Variants in MYOG observed in about 807,000 individuals in gnomAD.
MYOG encodes myogenin.
A neutral mutation model predicts 17.7 loss-of-function variants in MYOG; 6 were observed. The ratio of observed to expected loss-of-function variants is 0.34; its 90% confidence interval spans 0.19 to 0.67. The LOEUF (loss-of-function observed/expected upper bound fraction) is 0.67, where lower values mean the gene tolerates loss of function less well. Ranked by LOEUF, MYOG falls within the 30% of genes least tolerant of loss-of-function variation. The pLI is 0.69. For missense variants in MYOG, 272 were observed against 302.0 expected, an observed-to-expected ratio of 0.90 and a Z score of 0.74; for synonymous variants, 125 against 130.2, an observed-to-expected ratio of 0.96 and a Z score of 0.27.
At position 203,085,899 on chromosome 1, in the gene MYOG, G is replaced by A; in HGVS notation, c.63C>T (p.Asn21=). Residue 21 remains asparagine, a synonymous_variant, in exon 1 of 3, where the codon AAC becomes AAT. Transcript: ENST00000241651. ...AGCCCTGGAGGTGGACAGGCAGGTA[G>A]TTTTCCCCATCATAGAAGCGGGGTT... ...YQEPRFYDGE[N]YLPVHLQGFE... 6.2e-7 allele frequency: 1 copy of A among 1,611,770 alleles called. No homozygotes were observed. The highest frequency in any genetic ancestry group is 1.1e-5 in the South Asian group (1 of 90,802).
At position 203,085,501 on chromosome 1, in the gene MYOG, G is replaced by A. The variant is rs889680630; in HGVS notation, c.461C>T (p.Pro154Leu). 9.3e-6 allele frequency: 15 copies of A among 1,611,910 alleles called. No individual in the cohort carries two copies. The highest frequency in any genetic ancestry group is 1.3e-5 in the African/African-American group (1 of 74,890). Residue 154 changes from proline to leucine, a missense_variant, in exon 1 of 3, where the codon CCC becomes CTC. Physicochemically the swap from Pro to Leu is moderately conservative, Grantham distance 98. Coordinates refer to ENST00000241651, the MANE Select transcript of MYOG (RefSeq NM_002479.6). ...GGGATGGCCACTTACCCCTGGCTGG[G>A]GCCCGCCCCCGCCCCGGTAGCGGAG... Reference protein sequence around the residue: ...RDLRYRGGGGPQPGVPSECSS... With the variant: ...RDLRYRGGGGLQPGVPSECSS...
chr1:203,085,899 G>T lies in MYOG; in HGVS notation c.63C>A (p.Asn21Lys), dbSNP rs1342072659. 6.2e-7 allele frequency: 1 copy of T among 1,611,770 alleles called. No individual in the cohort carries two copies. The highest frequency in any genetic ancestry group is 2.2e-5 in the East Asian group (1 of 44,852). Reference sequence around the variant, plus strand: ...AGCCCTGGAGGTGGACAGGCAGGTAGTTTTCCCCATCATAGAAGCGGGGTT... The same window carrying T: ...AGCCCTGGAGGTGGACAGGCAGGTATTTTTCCCCATCATAGAAGCGGGGTT... ...YQEPRFYDGE[N>K]YLPVHLQGFE... The change falls in exon 1 of 3, where the codon AAC becomes AAA. Residue 21 changes from asparagine (N) to lysine (K), a missense_variant. Coordinates refer to ENST00000241651, the MANE Select transcript of MYOG (RefSeq NM_002479.6).
rs1306511754 is a variant in MYOG, at chr1:203,085,448, TG to T, written c.471+42del. The T allele has an allele frequency of 3.2e-6, 5 of 1,541,066 alleles. No homozygotes were observed. In the Admixed American group the frequency reaches 7.4e-5, roughly 23 times the overall value. ...TTGAGGCTGTCCAGGTGCCTCCCTC[TG>T]GCCCCGTCCCCTTGGGGCAGGGGGA... On this transcript the variant is annotated intron_variant, in intron 1 of 2. Transcript: ENST00000241651.
intron 2 of MYOG, 147 bp downstream of exon 2, chr1:203,084,500 G>C (rs1160873881): frequency 1.4e-6 from 1 of 703,014 alleles, no homozygotes; most frequent in Admixed American, 2.6e-5. Flanking sequence ...GAACCTCCCA[G>C]CCCACCCTTT....
intron 1 of MYOG, 150 bp from the exon 2 acceptor site, chr1:203,084,878 G>T (rs1653581995): frequency 6.8e-6 from 5 of 736,280 alleles, no homozygotes; most frequent in Non-Finnish European, 9.1e-6. Flanking sequence ...CCCAACCCCA[G>T]AATCTTTGTA....
Position 203,085,788 on chromosome 1 carries a change from G to T in MYOG, c.174C>A (p.Pro58=). ...GCAGGCACTGGCCTGGACAGTGCTC[G>T]GGGGTCCCCAGCCCCTTGTCCTCAA... ...GPLEDKGLGT[P]EHCPGQCLPW... The change falls in exon 1 of 3, where the codon CCC becomes CCA. Residue 58 remains proline (P), a synonymous_variant. Coordinates refer to ENST00000241651, the MANE Select transcript of MYOG (RefSeq NM_002479.6). 1.2e-6 allele frequency: 2 copies of T among 1,613,892 alleles called. No individual in the cohort carries two copies. Among genetic ancestry groups the T allele is most frequent in the Non-Finnish European group, 1.7e-6 (2 of 1,179,902 alleles).
At position 203,083,781 on chromosome 1, in the gene MYOG, G is replaced by A. The variant is rs995045588; in HGVS notation, c.*129C>T. 4 of 1,392,030 alleles carry A rather than the reference G, an allele frequency of 2.9e-6. No individual in the cohort carries two copies. In the African/African-American group the frequency reaches 5.7e-5, roughly 20 times the overall value. 86.2% of individuals were successfully genotyped at this position (1,392,030 alleles called of 1,614,324 possible). A position where few individuals can be genotyped will look rare whatever the true frequency, so the allele number is the denominator to read the frequency against. ...CATGGATGAGGAAGGGGATAGTCTG[G>A]CCTATGGCACCCCAGAGCTGGCTTC... On this transcript the variant is annotated 3_prime_UTR_variant, in exon 3 of 3. Transcript: ENST00000241651.
In MYOG at chr1:203,085,637, G is replaced by T. The variant is rs756145903; in HGVS notation, c.325C>A (p.Leu109Met). ...EAFEALKRST[L>M]LNPNQRLPKV... is the part of the protein sequence containing the mutation. Reference sequence around the variant, plus strand: ...GGCAGCCGCTGGTTGGGGTTGAGCAGGGTGCTTCTCTTCAGGGCCTCGAAG... The same window carrying T: ...GGCAGCCGCTGGTTGGGGTTGAGCATGGTGCTTCTCTTCAGGGCCTCGAAG... Residue 109 changes from leucine (L) to methionine (M), a missense_variant, in exon 1 of 3, where the codon CTG (leucine) becomes ATG (methionine). Leu to Met is a conservative substitution (Grantham distance 15). Transcript: ENST00000241651. 3.1e-6 allele frequency: 5 copies of T among 1,614,112 alleles called. No individual in the cohort carries two copies. Among genetic ancestry groups the T allele is most frequent in the Non-Finnish European group, 4.2e-6 (5 of 1,180,030 alleles).
At chr1:203,084,169 G>T in intron 2 of MYOG, 138 bp from the exon 3 acceptor site, 1 of 1,060,984 alleles carries the variant, frequency 9.4e-7, no homozygotes, top group Non-Finnish European at 1.4e-6. Flanking sequence ...CTACTCCCTA[G>T]TCCCTGCCTT....
At position 203,085,637 on chromosome 1, in the gene MYOG, G is replaced by A. The variant is rs756145903; in HGVS notation, c.325C>T (p.Leu109=). 1 of 1,614,230 alleles carries A rather than the reference G, an allele frequency of 6.2e-7. No individual in the cohort carries two copies. Among genetic ancestry groups the A allele is most frequent in the African/African-American group, 1.3e-5 (1 of 75,070 alleles). Residue 109 remains leucine (L), a synonymous_variant, in exon 1 of 3, where the codon CTG becomes TTG. Transcript: ENST00000241651. The part of the protein sequence containing the change: ...EAFEALKRST[L]LNPNQRLPKV... Reference sequence around the variant, plus strand: ...GGCAGCCGCTGGTTGGGGTTGAGCAGGGTGCTTCTCTTCAGGGCCTCGAAG... The same window carrying A: ...GGCAGCCGCTGGTTGGGGTTGAGCAAGGTGCTTCTCTTCAGGGCCTCGAAG...
chr1:203,083,432 G>A lies in MYOG; in HGVS notation c.*478C>T. 2.7e-6 allele frequency: 1 copy of A among 372,534 alleles called. No homozygotes were observed. Among genetic ancestry groups the A allele is most frequent in the Non-Finnish European group, 4.8e-6 (1 of 208,596 alleles). 23.1% of individuals were successfully genotyped at this position (372,534 alleles called of 1,614,324 possible). ...GGCCCCCCAGGGACTTGGGAACAGA[G>A]GGCTGTTCCTCTCCCCTTCTTCTCT... On this transcript the variant is annotated 3_prime_UTR_variant, in exon 3 of 3. Transcript: ENST00000241651.
Position 203,084,654 on chromosome 1 carries a change from G to T in MYOG, c.546C>A (p.Asn182Lys), listed in dbSNP as rs930904192. The T allele has an allele frequency of 8.1e-6, 13 of 1,610,196 alleles. No homozygotes were observed. Among genetic ancestry groups the T allele is most frequent in the Admixed American group, 1.7e-5 (1 of 59,660 alleles). ...CAGTCAGGCCTTACTTACCCCCTGG[G>T]TTGGCGCTGAACTCCAGTGCACTGC... ...EWGSALEFSA[N>K]PGDHLLTADP... The change falls in exon 2 of 3, where the codon AAC (asparagine) becomes AAA (lysine). Residue 182 changes from asparagine (N) to lysine (K), a missense_variant. Asn to Lys is a moderately conservative substitution (Grantham distance 94, BLOSUM62 0). Coordinates refer to ENST00000241651, the MANE Select transcript of MYOG (RefSeq NM_002479.6).
chr1:203,084,054 G>T, intron 2 of MYOG, 23 bp from the exon 3 acceptor site: 1 of 1,589,264 alleles, frequency 6.3e-7, no homozygotes, highest in South Asian at 1.1e-5. Context: ...GTGGGAAGGT[G>T]GTACCTGGGT....
chr1:203,084,809 G>A, intron 1 of MYOG, 81 bp from the exon 2 acceptor site: 1 of 1,387,480 alleles, frequency 7.2e-7, no homozygotes, highest in Non-Finnish European at 1.0e-6. Flanking sequence ...GTGGGCAGAA[G>A]TACCTGTGGT....
In MYOG at chr1:203,085,756, G is replaced by A. The variant is rs1451908431; in HGVS notation, c.206C>T (p.Ala69Val). Residue 69 changes from alanine (A) to valine (V), a missense_variant, in exon 1 of 3, where the codon GCG (alanine) becomes GTG (valine). Ala to Val is a moderately conservative substitution (Grantham distance 64). Transcript: ENST00000241651. ...EHCPGQCLPW[A>V]CKVCKRKSVS... ...CGACTTCCTCTTACACACCTTACACGCCCACGGCAGGCACTGGCCTGGACA... is the reference window on the plus strand; with the variant it reads ...CGACTTCCTCTTACACACCTTACACACCCACGGCAGGCACTGGCCTGGACA... 5 of 1,614,012 alleles carry A rather than the reference G, an allele frequency of 3.1e-6. No individual in the cohort carries two copies. In the East Asian group the frequency reaches 6.7e-5, roughly 22 times the overall value.
Position 203,085,831 on chromosome 1 carries a change from G to C in MYOG, c.131C>G (p.Pro44Arg). 6.2e-7 allele frequency: 1 copy of C among 1,614,036 alleles called. No individual in the cohort carries two copies. Among genetic ancestry groups the C allele is most frequent in the South Asian group, 1.1e-5 (1 of 91,084 alleles). Residue 44 changes from proline (P) to arginine (R), a missense_variant, in exon 1 of 3, where the codon CCC becomes CGC. Pro to Arg is a moderately radical substitution (Grantham distance 103). Transcript: ENST00000241651. ...GTCCTCAAGGGGCCCTGGGGCCTCGGGGCTCAGGGTGAGCTCCGTCCGCTC... is the reference window on the plus strand; with the variant it reads ...GTCCTCAAGGGGCCCTGGGGCCTCGCGGCTCAGGGTGAGCTCCGTCCGCTC... ...GYERTELTLS[P>R]EAPGPLEDKG...
rs2102713935 is a variant in MYOG at position 203,083,954 on chromosome 1, C to G, written c.631G>C (p.Glu211Gln). Residue 211 changes from glutamate to glutamine, a missense_variant, in exon 3 of 3, where the codon GAA (glutamate) becomes CAA (glutamine). Coordinates refer to ENST00000241651, the MANE Select transcript of MYOG (RefSeq NM_002479.6). ...TCTGGGAAGGCCACAGACACATCTT[C>G]CACTGTGATGCTGTCCACGATGGAG... Reference protein sequence around the residue: ...LTSIVDSITVEDVSVAFPDET... With the variant: ...LTSIVDSITVQDVSVAFPDET... 3 of 1,592,144 alleles carry G rather than the reference C, an allele frequency of 1.9e-6. No homozygotes were observed. Among genetic ancestry groups the G allele is most frequent in the South Asian group, 2.3e-5 (2 of 87,330 alleles).
Position 203,085,920 on chromosome 1 carries a change from G to A in MYOG, c.42C>T (p.Pro14=). 1.9e-6 allele frequency: 3 copies of A among 1,605,506 alleles called. No individual in the cohort carries two copies. Among genetic ancestry groups the A allele is most frequent in the Non-Finnish European group, 2.5e-6 (3 of 1,176,488 alleles). ...YETSPYFYQE[P]RFYDGENYLP... ...GGTAGTTTTCCCCATCATAGAAGCG[G>A]GGTTCCTGGTAGAAGTAGGGGGATG... Residue 14 remains proline, a synonymous_variant, in exon 1 of 3, where the codon CCC becomes CCT. Transcript: ENST00000241651.
rs1241645371 is a variant in MYOG, at chr1:203,083,908, T to G, written c.*2A>C. Reference sequence around the variant, plus strand: ...CAAGGATGCCCGGCTTGGAAGACAATCTCAGTTGGGCATGGTTTCATCTGG... The same window carrying G: ...CAAGGATGCCCGGCTTGGAAGACAAGCTCAGTTGGGCATGGTTTCATCTGG... On this transcript the variant is annotated 3_prime_UTR_variant, in exon 3 of 3. Coordinates refer to ENST00000241651, the MANE Select transcript of MYOG (RefSeq NM_002479.6). 5 of 1,588,750 alleles carry G rather than the reference T, an allele frequency of 3.1e-6. No individual in the cohort carries two copies. The South Asian group carries it at 5.7e-5, about 18-fold the overall frequency.
Sources: allele counts gnomAD v4.1 joint callset, GRCh38; gene constraint gnomAD v4.1.1; transcripts MANE v1.5; gene names NCBI Gene and HGNC (gene_info 2026-07-23, HGNC 2026-07-21).